OSBPL8: variants seen among roughly 807,000 people sequenced by gnomAD.
The protein encoded by OSBPL8 is oxysterol binding protein like 8.
OSBPL8 carries 59 observed loss-of-function variants against 125.5 expected under a neutral mutation model. The ratio of observed to expected loss-of-function variants is 0.47; its 90% CI spans 0.38 to 0.58. OSBPL8 has a LOEUF of 0.58. Among genes scored for constraint, OSBPL8 ranks in the 20% least tolerant of loss-of-function variants. OSBPL8 has a pLI of 0.00. For synonymous variants in OSBPL8, 330 were observed against 338.9 expected (o/e 0.97, Z 0.29); for missense variants, 758 against 1,047.8 (o/e 0.72, Z 3.82).
intron 22 of OSBPL8, among the ~76,000 whole-genome samples, chr12:76,358,371 G>A (rs1441934888): frequency 1.3e-5 from 2 of 151,782 alleles, no homozygotes; most frequent in African/African-American, 4.8e-5. Context: ...TAGTAGAGAC[G>A]GGGTTTCCCC....
At chr12:76,538,553 G>A (rs551581708) in intron 1 of OSBPL8, among the ~76,000 whole-genome samples, 4 of 152,114 alleles carry the variant, frequency 2.6e-5, no homozygotes, top group Non-Finnish European at 5.9e-5. Context: ...GGGATGACAG[G>A]CAACATGAGA....
chr12:76,439,738 C>A (rs550475570), intron 4 of OSBPL8, among the ~76,000 whole-genome samples: 1 of 152,234 alleles, frequency 6.6e-6, no homozygotes, highest in Admixed American at 6.5e-5. Flanking sequence ...AATCACCTTT[C>A]CAGAAATCTG....
intron 2 of OSBPL8, among the ~76,000 whole-genome samples, chr12:76,468,826 T>C (rs1000131409): frequency 2.4e-4 from 37 of 152,238 alleles, no homozygotes; most frequent in African/African-American, 7.7e-4. Flanking sequence ...TCTACGACGA[T>C]AGAAATAGTG....
chr12:76,496,160 G>A (rs986722766), intron 1 of OSBPL8, among the ~76,000 whole-genome samples: 1 of 141,928 alleles, frequency 7.0e-6, no homozygotes, highest in Non-Finnish European at 1.6e-5. Context: ...CTTGTTTCAT[G>A]TCTGTAGTAT....
chr12:76,434,340 T>C (rs976399742), intron 4 of OSBPL8, among the ~76,000 whole-genome samples: 10 of 152,116 alleles, frequency 6.6e-5, no homozygotes, highest in Non-Finnish European at 1.0e-4. Flanking sequence ...TCACACCATA[T>C]GCAGAAATCA....
chr12:76,419,655 T>C (rs773780471), intron 4 of OSBPL8, among the ~76,000 whole-genome samples: 4 of 152,236 alleles, frequency 2.6e-5, no homozygotes, highest in African/African-American at 4.8e-5. Flanking sequence ...GAAAAAAACA[T>C]AGTAATGAGT....
At chr12:76,400,704 G>C (rs572036147) in intron 6 of OSBPL8, among the ~76,000 whole-genome samples, 1 of 144,524 alleles carries the variant, frequency 6.9e-6, no homozygotes, top group Admixed American at 6.9e-5. Context: ...TTTTTTTTTT[G>C]AGCAGGAGTT....
chr12:76,375,740 TTA>T (rs1491237281), intron 16 of OSBPL8, among the ~76,000 whole-genome samples: 1 of 124,836 alleles, frequency 8.0e-6, no homozygotes, highest in African/African-American at 2.8e-5. Context: ...CCACATTGTT[TTA>T]AAAAAAAAAA....
At chr12:76,426,441 ACCATAAATTGT>A (rs950791204) in intron 4 of OSBPL8, among the ~76,000 whole-genome samples, 45 of 152,332 alleles carry the variant, frequency 3.0e-4, no homozygotes, top group African/African-American at 8.7e-4. Context: ...TAAAGAAATA[ACCATAAATTGT>A]CTAGATATGC....
intron 6 of OSBPL8, among the ~76,000 whole-genome samples, chr12:76,402,116 T>C (rs1954074476): frequency 6.6e-6 from 1 of 152,118 alleles, no homozygotes; most frequent in Non-Finnish European, 1.5e-5. Context: ...CAAATATATA[T>C]AGGACCAGGC....
In OSBPL8 at chr12:76,449,518, T is replaced by C. The variant is rs115124591; in HGVS notation, c.217+1333A>G. On this transcript the variant is annotated intron_variant, in intron 4 of 23. Coordinates refer to ENST00000261183, the MANE Select transcript of OSBPL8 (RefSeq NM_020841.5). ...AAAACTGCTGGCAACTTAGCATAAATCAAGGCAGAGGCACCAAACTGGAGT... is the reference window on the plus strand; with the variant it reads ...AAAACTGCTGGCAACTTAGCATAAACCAAGGCAGAGGCACCAAACTGGAGT... 4.6e-4 allele frequency among the ~76,000 whole-genome samples: 70 copies of C among 152,308 alleles called. 1 individual carries two copies. Among genetic ancestry groups the C allele is most frequent in the African/African-American group, 1.6e-3 (68 of 41,562 alleles).
At chr12:76,395,613 G>A (rs998174673) in intron 8 of OSBPL8, among the ~76,000 whole-genome samples, 1 of 152,138 alleles carries the variant, frequency 6.6e-6, no homozygotes, top group Non-Finnish European at 1.5e-5. Flanking sequence ...CCAGTATATA[G>A]TGGGACATGG....
At chr12:76,554,244 G>A (rs1017714533) in intron 1 of OSBPL8, among the ~76,000 whole-genome samples, 9 of 151,658 alleles carry the variant, frequency 5.9e-5, no homozygotes, top group Non-Finnish European at 1.0e-4. Flanking sequence ...TAAAATGAGA[G>A]AAAAAAAATC....
intron 1 of OSBPL8, among the ~76,000 whole-genome samples, chr12:76,557,336 G>A (rs1347111689): frequency 2.0e-5 from 3 of 152,116 alleles, no homozygotes; most frequent in African/African-American, 4.8e-5. Context: ...CAAAAGATCC[G>A]CCAGACACAG....
intron 6 of OSBPL8, among the ~76,000 whole-genome samples, chr12:76,400,881 T>C (rs544141174): frequency 7.7e-4 from 117 of 151,520 alleles, no homozygotes; most frequent in African/African-American, 2.7e-3. Context: ...CTCCGCCTCC[T>C]GGGTCAACGC....
intron 4 of OSBPL8, among the ~76,000 whole-genome samples, chr12:76,431,393 A>G (rs372169397): frequency 1.3e-5 from 2 of 152,156 alleles, no homozygotes; most frequent in East Asian, 3.8e-4. Flanking sequence ...AATGAACAAT[A>G]TGGCAAGAAT....
At chr12:76,505,131 T>C (rs921603952) in intron 1 of OSBPL8, among the ~76,000 whole-genome samples, 2 of 152,190 alleles carry the variant, frequency 1.3e-5, no homozygotes, top group African/African-American at 4.8e-5. Flanking sequence ...CAGCTCTATG[T>C]ATATTAAATT....
At chr12:76,549,409 G>A (rs900093886) in intron 1 of OSBPL8, among the ~76,000 whole-genome samples, 1 of 152,162 alleles carries the variant, frequency 6.6e-6, no homozygotes, top group East Asian at 1.9e-4. Flanking sequence ...GAATCAGACT[G>A]ATACATGACT....
At chr12:76,376,870 C>T (rs1010073579) in intron 16 of OSBPL8, among the ~76,000 whole-genome samples, 2 of 152,072 alleles carry the variant, frequency 1.3e-5, no homozygotes, top group African/African-American at 4.8e-5. Flanking sequence ...TGGTTTGCTG[C>T]ACCTATCAAC....
Sources: allele counts gnomAD v4.1 joint callset (sites outside exome capture counted in the v4.1 genomes callset), GRCh38; gene constraint gnomAD v4.1.1; transcripts MANE v1.5; gene names NCBI Gene and HGNC (gene_info 2026-07-23, HGNC 2026-07-21).